FOXO1: variants seen among roughly 807,000 people sequenced by gnomAD.
FOXO1 encodes forkhead box O1.
Under a neutral mutation model 44.1 loss-of-function variants are expected in FOXO1, and 6 were observed. That is an observed-to-expected ratio of 0.14 (90% CI 0.07 to 0.27). The LOEUF (loss-of-function observed/expected upper bound fraction) is 0.27. Among genes scored for constraint, FOXO1 ranks in the 10% least tolerant of loss-of-function variants. The probability of loss-of-function intolerance (pLI) is 1.00; values close to 1 mark genes in which losing one functional copy is unlikely to be tolerated. For synonymous variants in FOXO1, 380 were observed against 362.7 expected, an observed-to-expected ratio of 1.05 and a Z score of -0.54; for missense variants, 737 against 888.8, an observed-to-expected ratio of 0.83 and a Z score of 2.17.
intron 1 of FOXO1, among the ~76,000 whole-genome samples, chr13:40,651,136 A>C (rs1877675488): frequency 6.7e-6 from 1 of 150,196 alleles, no homozygotes; most frequent in Non-Finnish European, 1.5e-5. Context: ...ACATGGTCCC[A>C]GTGTGTTGCC....
intron 1 of FOXO1, among the ~76,000 whole-genome samples, chr13:40,628,208 G>A (rs934059490): frequency 1.3e-5 from 2 of 151,842 alleles, no homozygotes; most frequent in Non-Finnish European, 2.9e-5. Flanking sequence ...GCCCTTCTTG[G>A]GGGCAGGAGT....
rs55733141 is a variant in FOXO1 at position 40,584,469 on chromosome 13, C to CAAAAAAAAAAAAAAAA, written c.631-23625_631-23610dup. Among the ~76,000 whole-genome samples the CAAAAAAAAAAAAAAAA allele has an allele frequency of 8.6e-4, 54 of 63,110 alleles. 8 individuals carry two copies. Among genetic ancestry groups the CAAAAAAAAAAAAAAAA allele is most frequent in the Non-Finnish European group, 1.2e-3 (44 of 37,884 alleles). 41.4% of individuals were successfully genotyped at this position (63,110 alleles called of 152,430 possible). On this transcript the variant is annotated intron_variant, in intron 1 of 2. Transcript: ENST00000379561. ...AGAAATTCTATCTCCACAAAAAATG[C>CAAAAAAAAAAAAAAAA]AAAAAAAAAAAAAAAAAAAAAAAAA... is the stretch of plus-strand genomic sequence containing the variant.
At chr13:40,589,042 T>A (rs189942131) in intron 1 of FOXO1, among the ~76,000 whole-genome samples, 141 of 152,148 alleles carry the variant, frequency 9.3e-4, no homozygotes, top group African/African-American at 3.2e-3. Context: ...CAGGCAGAGG[T>A]TGCAGTGAGC....
intron 1 of FOXO1, among the ~76,000 whole-genome samples, chr13:40,660,952 AACAACAAC>A (rs1878015528): frequency 2.4e-5 from 1 of 41,368 alleles, no homozygotes; most frequent in Admixed American, 2.5e-4. Flanking sequence ...TCAGAAAAAC[AACAACAAC>A]AACAACAACA....
intron 1 of FOXO1, among the ~76,000 whole-genome samples, chr13:40,615,406 G>A (rs80035323): frequency 1.7e-4 from 26 of 152,018 alleles, no homozygotes; most frequent in African/African-American, 4.8e-4. Context: ...ATGGGGGTGC[G>A]CGCCTATAAT....
chr13:40,641,751 C>T (rs1001697180), intron 1 of FOXO1, among the ~76,000 whole-genome samples: 7 of 152,004 alleles, frequency 4.6e-5, no homozygotes, highest in Non-Finnish European at 1.0e-4. Context: ...TTTGGGAGGC[C>T]GAAGCAGGCA....
chr13:40,646,935 C>A (rs1008504259), intron 1 of FOXO1, among the ~76,000 whole-genome samples: 15 of 152,158 alleles, frequency 9.9e-5, no homozygotes, highest in African/African-American at 3.4e-4. Flanking sequence ...GGGCCCAGGA[C>A]ACACTACCCC....
intron 1 of FOXO1, among the ~76,000 whole-genome samples, chr13:40,653,792 C>T (rs756249007): frequency 2.6e-5 from 4 of 152,112 alleles, no homozygotes; most frequent in Admixed American, 1.3e-4. Context: ...TTTGTAAGTA[C>T]TCACCAGTAC....
chr13:40,592,686 AG>A (rs940650400), intron 1 of FOXO1, among the ~76,000 whole-genome samples: 8 of 152,246 alleles, frequency 5.3e-5, no homozygotes, highest in Admixed American at 1.3e-4. Flanking sequence ...TAGCACAGTC[AG>A]GAAACCAGAC....
At chr13:40,605,023 AAAAAT>A (rs1391818545) in intron 1 of FOXO1, among the ~76,000 whole-genome samples, 5 of 152,034 alleles carry the variant, frequency 3.3e-5, no homozygotes, top group African/African-American at 1.2e-4. Context: ...CTGATTTACT[AAAAAT>A]AAAATAAAAT....
intron 1 of FOXO1, among the ~76,000 whole-genome samples, chr13:40,627,644 C>A (rs1341451195): frequency 6.6e-6 from 1 of 152,068 alleles, no homozygotes; most frequent in East Asian, 1.9e-4. Context: ...ACCAGCCTGG[C>A]CAGCATGGTG....
chr13:40,599,645 G>A (rs753667824), intron 1 of FOXO1, among the ~76,000 whole-genome samples: 15 of 152,264 alleles, frequency 9.9e-5, no homozygotes, highest in Admixed American at 2.0e-4. Context: ...GGGTGGGTAC[G>A]GAAAAGGGAT....
At chr13:40,584,460 C>CA (rs1373618754) in intron 1 of FOXO1, among the ~76,000 whole-genome samples, 7 of 50,636 alleles carry the variant, frequency 1.4e-4, no homozygotes, top group Non-Finnish European at 2.7e-4. Flanking sequence ...TCTATCTCCA[C>CA]AAAAAATGCA....
rs768903432 is a variant in FOXO1, at chr13:40,560,020, C to G, written c.1471G>C (p.Val491Leu). 6 of 1,614,128 alleles carry G rather than the reference C, an allele frequency of 3.7e-6. No individual in the cohort carries two copies. The Admixed American group carries it at 8.3e-5, about 22-fold the overall frequency. ...CCCATCATGACGTTCTGGCCCAGAA[C>G]CCGGCTGTTGGGCTGGGCTACCCCA... ...DPGVAQPNSR[V>L]LGQNVMMGPN... The change falls in exon 2 of 3, where the codon GTT becomes CTT. Residue 491 changes from valine (V) to leucine (L), a missense_variant. Val to Leu is a conservative substitution (Grantham distance 32). Coordinates refer to ENST00000379561, the MANE Select transcript of FOXO1 (RefSeq NM_002015.4). This position sits in a 1 kb window ranked among gnomAD's most constrained non-coding sequence, Gnocchi z 5.1.
intron 1 of FOXO1, among the ~76,000 whole-genome samples, chr13:40,656,432 A>C (rs779232779): frequency 7.2e-4 from 109 of 152,238 alleles, no homozygotes; most frequent in Middle Eastern, 3.2e-3. Flanking sequence ...CTTTCTTTGA[A>C]TCACTCTGCT....
chr13:40,657,506 C>T (rs1214821031), intron 1 of FOXO1, among the ~76,000 whole-genome samples: 1 of 151,986 alleles, frequency 6.6e-6, no homozygotes, highest in Non-Finnish European at 1.5e-5. Context: ...TTAATCTCTT[C>T]TATTTTTAGC....
chr13:40,570,485 G>C (rs1380924410), intron 1 of FOXO1, among the ~76,000 whole-genome samples: 2 of 152,130 alleles, frequency 1.3e-5, no homozygotes, highest in African/African-American at 4.8e-5. Context: ...GGGGCAGAAA[G>C]CTTTACAACG....
intron 1 of FOXO1, among the ~76,000 whole-genome samples, chr13:40,654,325 A>AAATACT (rs1877784850): frequency 9.9e-6 from 1 of 100,532 alleles, no homozygotes; most frequent in East Asian, 4.0e-4. Flanking sequence ...AAAATACTAA[A>AAATACT]AAAAAAAAAA....
intron 1 of FOXO1, among the ~76,000 whole-genome samples, chr13:40,596,834 G>A (rs1452368971): frequency 2.6e-5 from 4 of 152,288 alleles, no homozygotes; most frequent in African/African-American, 7.2e-5. Flanking sequence ...AAGAAAGACC[G>A]TAAATCATAT....
Sources: allele counts gnomAD v4.1 joint callset (sites outside exome capture counted in the v4.1 genomes callset), GRCh38; gene constraint gnomAD v4.1.1; non-coding constraint Gnocchi (gnomAD v3.1); transcripts MANE v1.5; gene names NCBI Gene and HGNC (gene_info 2026-07-23, HGNC 2026-07-21).